AOPEP: variants seen among roughly 807,000 people sequenced by gnomAD.
AOPEP encodes aminopeptidase O (putative).
A neutral mutation model predicts 98.1 loss-of-function variants in AOPEP; 77 were observed. The ratio of observed to expected loss-of-function variants is 0.78; its 90% CI spans 0.65 to 0.95. AOPEP has a LOEUF of 0.95. Ranked by LOEUF, AOPEP falls within the 40% of genes least tolerant of loss-of-function variation. The probability of loss-of-function intolerance (pLI) is 0.00; values close to 1 mark genes in which losing one functional copy is unlikely to be tolerated. For missense variants in AOPEP, 1,024 were observed against 1,024.7 expected, an observed-to-expected ratio of 1.00 and a Z score of 0.01; for synonymous variants, 346 against 365.3, an observed-to-expected ratio of 0.95 and a Z score of 0.60.
chr9:94,942,656 T>C (rs980238902), intron 7 of AOPEP, among the ~76,000 whole-genome samples: 2 of 152,134 alleles, frequency 1.3e-5, no homozygotes, highest in African/African-American at 4.8e-5. Flanking sequence ...GACATAATCT[T>C]ATGTGGAGTA....
chr9:95,043,435 ATT>A (rs1247961173), intron 13 of AOPEP, among the ~76,000 whole-genome samples: 1 of 152,138 alleles, frequency 6.6e-6, no homozygotes, highest in Non-Finnish European at 1.5e-5. Context: ...CATAAAACTA[ATT>A]TATGGTTTTA....
Position 94,876,373 on chromosome 9 carries a change from T to C in AOPEP, c.1365-47613T>C, listed in dbSNP as rs546328700. ...GTTGCTTTTTCTTTTCTTTTCTTTTTTTTTTTTTTGGAGATGGAGTCTCGC... is the reference window on the plus strand; with the variant it reads ...GTTGCTTTTTCTTTTCTTTTCTTTTCTTTTTTTTTGGAGATGGAGTCTCGC... On this transcript the variant is annotated intron_variant, in intron 5 of 16. Coordinates refer to ENST00000375315, the MANE Select transcript of AOPEP (RefSeq NM_001193329.3). Among the ~76,000 whole-genome samples the C allele has an allele frequency of 1.6e-4, 24 of 151,752 alleles. 1 individual carries two copies. Among genetic ancestry groups the C allele is most frequent in the African/African-American group, 4.6e-4 (19 of 41,412 alleles).
intron 5 of AOPEP, among the ~76,000 whole-genome samples, chr9:94,890,112 C>T (rs568193642): frequency 6.6e-6 from 1 of 151,866 alleles, no homozygotes; most frequent in African/African-American, 2.4e-5. Context: ...ACTGCAACCT[C>T]TGCCTCTCAG....
chr9:95,135,668 A>C, the AOPEP span: 3 of 628,010 alleles, frequency 4.8e-6, no homozygotes, highest in South Asian at 3.9e-5. Context: ...CCAAGTGCTC[A>C]TTTGCAAAAT....
At chr9:94,885,952 C>T (rs960238224) in intron 5 of AOPEP, among the ~76,000 whole-genome samples, 7 of 152,046 alleles carry the variant, frequency 4.6e-5, no homozygotes, top group African/African-American at 1.2e-4. Context: ...GCCAGAAGAT[C>T]GCAGAGTTCT....
the AOPEP span, among the ~76,000 whole-genome samples, chr9:95,093,496 C>T: frequency 6.6e-6 from 1 of 152,164 alleles, no homozygotes; most frequent in African/African-American, 2.4e-5. Flanking sequence ...AACGGCAGCC[C>T]TCTCTTAGAG....
the AOPEP span, chr9:95,114,632 T>C: frequency 3.1e-6 from 5 of 1,610,210 alleles, no homozygotes; most frequent in African/African-American, 1.3e-5. Flanking sequence ...TGCTCACCCA[T>C]GAGTCTGGTC....
intron 5 of AOPEP, among the ~76,000 whole-genome samples, chr9:94,828,893 G>C (rs1333463063): frequency 1.3e-5 from 2 of 148,194 alleles, no homozygotes; most frequent in Admixed American, 6.7e-5. Context: ...TTTTGAGATG[G>C]AGGCTTGCTC....
chr9:95,091,096 T>C (rs1564628824), downstream of AOPEP, among the ~76,000 whole-genome samples: 1 of 152,234 alleles, frequency 6.6e-6, no homozygotes, highest in Non-Finnish European at 1.5e-5. Flanking sequence ...CAAAGGCAGC[T>C]GTGACCCACA....
chr9:95,139,505 T>G, the AOPEP span, among the ~76,000 whole-genome samples: 2 of 152,100 alleles, frequency 1.3e-5, no homozygotes, highest in Non-Finnish European at 2.9e-5. Context: ...CTATAAACAC[T>G]GCAGTGTGCA....
chr9:94,838,866 A>G (rs937249881), intron 5 of AOPEP, among the ~76,000 whole-genome samples: 9 of 146,446 alleles, frequency 6.1e-5, no homozygotes, highest in Non-Finnish European at 1.1e-4. Context: ...TAAGTATTTC[A>G]CTTTTTTTGG....
chr9:94,770,329 A>G (rs1840577403), intron 2 of AOPEP, among the ~76,000 whole-genome samples: 1 of 152,128 alleles, frequency 6.6e-6, no homozygotes, highest in African/African-American at 2.4e-5. Flanking sequence ...AATTACCCCC[A>G]CACTTAGCAG....
At chr9:95,089,078 C>T (rs937873100), downstream of AOPEP, among the ~76,000 whole-genome samples, 17 of 152,196 alleles carry the variant, frequency 1.1e-4, no homozygotes, top group African/African-American at 3.1e-4. Flanking sequence ...CTGCCCTCGC[C>T]GGCATCCTTC....
In AOPEP at chr9:94,980,693, GT is replaced by G. The variant is rs2060129436; in HGVS notation, c.1977+1270del. Among the ~76,000 whole-genome samples, 1 of 152,140 alleles carries G rather than the reference GT, an allele frequency of 6.6e-6. No homozygotes were observed. The highest frequency in any genetic ancestry group is 6.5e-5 in the Admixed American group (1 of 15,276). On this transcript the variant is annotated intron_variant, in intron 11 of 16. Transcript: ENST00000375315. The surrounding 1 kb of genome is among the most constrained non-coding windows in gnomAD (Gnocchi z 4.3). Reference sequence around the variant, plus strand: ...GAGGAAAAAAGAAAAAACATCCCGAGTTTTACAAATAAAACAGACCAGGGGT... The same window carrying G: ...GAGGAAAAAAGAAAAAACATCCCGAGTTTACAAATAAAACAGACCAGGGGT...
intron 1 of AOPEP, among the ~76,000 whole-genome samples, chr9:94,749,923 G>A (rs1051019848): frequency 2.7e-5 from 4 of 150,164 alleles, no homozygotes; most frequent in African/African-American, 9.9e-5. Flanking sequence ...CTAGTATTAT[G>A]TTTTATTTTA....
intron 5 of AOPEP, among the ~76,000 whole-genome samples, chr9:94,845,982 C>T (rs1588510104): frequency 6.6e-6 from 1 of 151,912 alleles, no homozygotes; most frequent in Non-Finnish European, 1.5e-5. Context: ...GTAACCCCAG[C>T]TACTGGGGAG....
chr9:94,863,175 C>A (rs1298658347), intron 5 of AOPEP, among the ~76,000 whole-genome samples: 1 of 152,046 alleles, frequency 6.6e-6, no homozygotes, highest in Non-Finnish European at 1.5e-5. Flanking sequence ...TCGCTTCTCT[C>A]CTGCTGCTCT....
chr9:94,793,798 A>G, intron 4 of AOPEP, among the ~76,000 whole-genome samples: 1 of 152,248 alleles, frequency 6.6e-6, no homozygotes. Context: ...GTCTGCTGAA[A>G]TATTTATATG....
intron 11 of AOPEP, among the ~76,000 whole-genome samples, chr9:95,003,303 T>G (rs751070305): frequency 1.3e-5 from 2 of 152,272 alleles, no homozygotes; most frequent in Admixed American, 6.5e-5. Context: ...TTGTCTTTAT[T>G]CCTGTTACTG....
Sources: allele counts gnomAD v4.1 joint callset (sites outside exome capture counted in the v4.1 genomes callset), GRCh38; gene constraint gnomAD v4.1.1; non-coding constraint Gnocchi (gnomAD v3.1); transcripts MANE v1.5; gene names NCBI Gene and HGNC (gene_info 2026-07-23, HGNC 2026-07-21).